Variants in IGSF3 observed in about 807,000 individuals in gnomAD.
IGSF3 encodes the protein immunoglobulin superfamily member 3, also known as glu-Trp-Ile EWI motif-containing protein 3.
In IGSF3, 23 loss-of-function variants were observed where a neutral mutation model predicts 114.4. The observed-to-expected ratio is 0.20, with a 90% confidence interval of 0.14 to 0.28. The LOEUF is 0.28. Among genes scored for constraint, IGSF3 ranks in the 10% least tolerant of loss-of-function variants. The pLI is 1.00. For synonymous variants in IGSF3, 571 were observed against 645.2 expected, an observed-to-expected ratio of 0.88 and a Z score of 1.74; for missense variants, 1,172 against 1,591.5, an observed-to-expected ratio of 0.74 and a Z score of 4.48.
In IGSF3 at chr1:116,575,954, A is replaced by C. The variant is rs1659323772; in HGVS notation, c.*1358T>G. 6.6e-6 allele frequency: 1 copy of C among 152,272 alleles called. No individual in the cohort carries two copies. The highest frequency in any genetic ancestry group is 6.5e-5 in the Admixed American group (1 of 15,282). 9.4% of individuals were successfully genotyped at this position (152,272 alleles called of 1,614,324 possible). ...ATCCCACAGACAATGCCTTGTGATC[A>C]CAGTCTGCTGAGACTAGGCAAACAG... On this transcript the variant is annotated 3_prime_UTR_variant, in exon 11 of 11. Transcript: ENST00000369486. The surrounding 1 kb of genome is among the most constrained non-coding windows in gnomAD (Gnocchi z 5.6).
Position 116,590,527 on chromosome 1 carries a change from T to C in IGSF3, c.2030-1423A>G, listed in dbSNP as rs189107631. ...AAAGAAAGCAGGGGCAAGGTGCAGATTCCACCCAGGGACAGCAACCTAGGC... is the reference window on the plus strand; with the variant it reads ...AAAGAAAGCAGGGGCAAGGTGCAGACTCCACCCAGGGACAGCAACCTAGGC... On this transcript the variant is annotated intron_variant, in intron 7 of 10. Coordinates refer to ENST00000369486, the MANE Select transcript of IGSF3 (RefSeq NM_001007237.3). Among the ~76,000 whole-genome samples the C allele has an allele frequency of 2.3e-3, 356 of 152,260 alleles. 2 individuals are homozygous for C. Among genetic ancestry groups the C allele is most frequent in the African/African-American group, 8.0e-3 (333 of 41,532 alleles).
chr1:116,597,824 A>G (rs374309814), intron 7 of IGSF3, among the ~76,000 whole-genome samples: 2 of 152,216 alleles, frequency 1.3e-5, no homozygotes, highest in Non-Finnish European at 2.9e-5. Context: ...CAGTTTTGCC[A>G]CTTAACCAGC....
At chr1:116,645,914 T>C (rs1648346437) in intron 2 of IGSF3, among the ~76,000 whole-genome samples, 1 of 152,114 alleles carries the variant, frequency 6.6e-6, no homozygotes, top group African/African-American at 2.4e-5. Context: ...GGTGGGGCCC[T>C]GGAAGCCATG....
At chr1:116,621,468 C>T (rs564900208) in intron 2 of IGSF3, among the ~76,000 whole-genome samples, 1 of 152,300 alleles carries the variant, frequency 6.6e-6, no homozygotes, top group South Asian at 2.1e-4. Context: ...GCCCCTTTCC[C>T]CCCAACAACA....
rs1425339720 is a variant in IGSF3 at position 116,615,306 on chromosome 1, CG to C, written c.421+773del. ...ACACATACACACACACACACACACA[CG>C]AAAAAAAAAAGGTCTCCTGCTGGGA... On this transcript the variant is annotated intron_variant, in intron 3 of 10. Transcript: ENST00000369486. The surrounding 1 kb of genome is among the most constrained non-coding windows in gnomAD (Gnocchi z 4.3). 1.4e-5 allele frequency among the ~76,000 whole-genome samples: 2 copies of C among 144,236 alleles called. No homozygotes were observed. The highest frequency in any genetic ancestry group is 2.6e-5 in the African/African-American group (1 of 38,738). 94.6% of individuals were successfully genotyped at this position (144,236 alleles called of 152,430 possible). A position where few individuals can be genotyped will look rare whatever the true frequency, so the allele number is the denominator to read the frequency against.
At position 116,585,435 on chromosome 1, in the gene IGSF3, A is replaced by T. The variant is rs1436761035; in HGVS notation, c.2441-383T>A. Among the ~76,000 whole-genome samples, 1 of 152,190 alleles carries T rather than the reference A, an allele frequency of 6.6e-6. No homozygotes were observed. Among genetic ancestry groups the T allele is most frequent in the Non-Finnish European group, 1.5e-5 (1 of 68,034 alleles). ...GGAAGGGGATGGTGAGAAACCTCTG[A>T]AAAGCAAGAGTAAACTTTTAAAACT... On this transcript the variant is annotated intron_variant, in intron 8 of 10. Transcript: ENST00000369486. The surrounding 1 kb of genome is among the most constrained non-coding windows in gnomAD (Gnocchi z 4.9).
In IGSF3 at chr1:116,595,647, C is replaced by T. The variant is rs564855684; in HGVS notation, c.2029+4294G>A. ...CAAGTCGGCTTTCCACCACTAGAGG[C>T]TGTCCTCATGGAAGCTTGTTTATGG... On this transcript the variant is annotated intron_variant, in intron 7 of 10. Transcript: ENST00000369486. This position sits in a 1 kb window ranked among gnomAD's most constrained non-coding sequence, Gnocchi z 4.2. Among the ~76,000 whole-genome samples, 39 of 152,336 alleles carry T rather than the reference C, an allele frequency of 2.6e-4. No individual in the cohort carries two copies. Among genetic ancestry groups the T allele is most frequent in the African/African-American group, 8.7e-4 (36 of 41,570 alleles).
At chr1:116,601,132 C>T (rs552975337) in intron 6 of IGSF3, among the ~76,000 whole-genome samples, 34 of 152,306 alleles carry the variant, frequency 2.2e-4, no homozygotes, top group South Asian at 4.1e-4. Flanking sequence ...GTGCCAACTG[C>T]TTTGCTCTCA....
Position 116,594,084 on chromosome 1 carries a change from T to C in IGSF3, c.2030-4980A>G, listed in dbSNP as rs1267922051. ...AGTCAAGAGAGGATTTTCCTTTGTTTTGTTCAGAATTGTAGCAAGAGTTAC... is the reference window on the plus strand; with the variant it reads ...AGTCAAGAGAGGATTTTCCTTTGTTCTGTTCAGAATTGTAGCAAGAGTTAC... On this transcript the variant is annotated intron_variant, in intron 7 of 10. Transcript: ENST00000369486. This position sits in a 1 kb window ranked among gnomAD's most constrained non-coding sequence, Gnocchi z 5.2. Among the ~76,000 whole-genome samples, 1 of 152,346 alleles carries C rather than the reference T, an allele frequency of 6.6e-6. No individual in the cohort carries two copies. The highest frequency in any genetic ancestry group is 1.9e-4 in the East Asian group (1 of 5,192).
At position 116,616,176 on chromosome 1, in the gene IGSF3, C is replaced by G; in HGVS notation, c.325G>C (p.Asp109His). The G allele has an allele frequency of 6.2e-7, 1 of 1,614,020 alleles. No individual in the cohort carries two copies. Residue 109 changes from aspartate (D) to histidine (H), a missense_variant, in exon 3 of 11, where the codon GAT (aspartate) becomes CAT (histidine). By Grantham distance (81) the Asp-to-His change is moderately conservative (BLOSUM62 -1). This residue lies in a region of IGSF3 where 736 missense variants were observed against 1,042.0 expected (regional missense o/e 0.71). Coordinates refer to ENST00000369486, the MANE Select transcript of IGSF3 (RefSeq NM_001007237.3). This position sits in a 1 kb window ranked among gnomAD's most constrained non-coding sequence, Gnocchi z 6.6. Reference protein sequence around the residue: ...QGNSTLLHITDLQARDAGEYE... With the variant: ...QGNSTLLHITHLQARDAGEYE... ...TCCCCGGCATCCCGGGCCTGAAGAT[C>G]TGTGATGTGCAATAGGGTTGAGTTC... is the stretch of plus-strand genomic sequence containing the variant.
In IGSF3 at chr1:116,665,029, G is replaced by C. The variant is rs1649273893; in HGVS notation, c.43+1255C>G. Among the ~76,000 whole-genome samples the C allele has an allele frequency of 6.6e-6, 1 of 152,200 alleles. No individual in the cohort carries two copies. Among genetic ancestry groups the C allele is most frequent in the Admixed American group, 6.5e-5 (1 of 15,290 alleles). On this transcript the variant is annotated intron_variant, in intron 2 of 10. Coordinates refer to ENST00000369486, the MANE Select transcript of IGSF3 (RefSeq NM_001007237.3). The surrounding 1 kb of genome is among the most constrained non-coding windows in gnomAD (Gnocchi z 4.0). ...ACCACTGATTGCACAAATCTATTAT[G>C]AGTTTCAGACATTATTTAAGGCAGT...
rs141149073 is a variant in IGSF3, at chr1:116,593,304, G to C, written c.2030-4200C>G. On this transcript the variant is annotated intron_variant, in intron 7 of 10. Coordinates refer to ENST00000369486, the MANE Select transcript of IGSF3 (RefSeq NM_001007237.3). The surrounding 1 kb of genome is among the most constrained non-coding windows in gnomAD (Gnocchi z 4.5). ...AAGCAACAGCCGTGCTGCTGAGGTG[G>C]TTGCCGGTAAGTCTGGAGAAGGTGG... Among the ~76,000 whole-genome samples, 1 of 152,242 alleles carries C rather than the reference G, an allele frequency of 6.6e-6. No individual in the cohort carries two copies.
rs1038245193 is a variant in IGSF3, at chr1:116,629,950, G to A, written c.44-13493C>T. On this transcript the variant is annotated intron_variant, in intron 2 of 10. Coordinates refer to ENST00000369486, the MANE Select transcript of IGSF3 (RefSeq NM_001007237.3). This position sits in a 1 kb window ranked among gnomAD's most constrained non-coding sequence, Gnocchi z 4.3. Reference sequence around the variant, plus strand: ...CCCTGATGAAAATCATCCTTTCAGGGTACAAGGAAGGCACCTGAATGACAG... The same window carrying A: ...CCCTGATGAAAATCATCCTTTCAGGATACAAGGAAGGCACCTGAATGACAG... Among the ~76,000 whole-genome samples the A allele has an allele frequency of 2.6e-5, 4 of 152,164 alleles. No homozygotes were observed. Among genetic ancestry groups the A allele is most frequent in the African/African-American group, 9.7e-5 (4 of 41,430 alleles).
In IGSF3 at chr1:116,583,577, T is replaced by C. The variant is rs549817217; in HGVS notation, c.2848+1068A>G. Among the ~76,000 whole-genome samples the C allele has an allele frequency of 2.0e-5, 3 of 152,252 alleles. No homozygotes were observed. Among genetic ancestry groups the C allele is most frequent in the Non-Finnish European group, 2.9e-5 (2 of 68,012 alleles). Reference sequence around the variant, plus strand: ...GCTGCTCTACTCAGACATGAAGACATGGTGAAAACTTCCAGTAGTGCCCAA... The same window carrying C: ...GCTGCTCTACTCAGACATGAAGACACGGTGAAAACTTCCAGTAGTGCCCAA... On this transcript the variant is annotated intron_variant, in intron 9 of 10. Coordinates refer to ENST00000369486, the MANE Select transcript of IGSF3 (RefSeq NM_001007237.3). This position sits in a 1 kb window ranked among gnomAD's most constrained non-coding sequence, Gnocchi z 4.5.
Position 116,585,126 on chromosome 1 carries a change from GTGAA to G in IGSF3, c.2441-78_2441-75del. 1.7e-6 allele frequency: 2 copies of G among 1,150,814 alleles called. No individual in the cohort carries two copies. The highest frequency in any genetic ancestry group is 2.4e-6 in the Non-Finnish European group (2 of 822,518). The allele number at this position is 1,150,814 out of a possible 1,614,324, so 71.3% of individuals were successfully genotyped here. A position where few individuals can be genotyped will look rare whatever the true frequency, so the allele number is the denominator to read the frequency against. ...TCGTACGCACCCTTTCCCAGGGTAGGTGAATGGATGCCTTCCAAATACAGAAGGA... is the reference window on the plus strand; with the variant it reads ...TCGTACGCACCCTTTCCCAGGGTAGGTGGATGCCTTCCAAATACAGAAGGA... On this transcript the variant is annotated intron_variant, in intron 8 of 10. Transcript: ENST00000369486. The surrounding 1 kb of genome is among the most constrained non-coding windows in gnomAD (Gnocchi z 4.9).
rs569123014 is a variant in IGSF3 at position 116,648,303 on chromosome 1, C to A, written c.43+17981G>T. On this transcript the variant is annotated intron_variant, in intron 2 of 10. Coordinates refer to ENST00000369486, the MANE Select transcript of IGSF3 (RefSeq NM_001007237.3). The surrounding 1 kb of genome is among the most constrained non-coding windows in gnomAD (Gnocchi z 4.7). ...CCAGAGAGGACAATGCCAGCAATGC[C>A]GGCTGTCTCCCAAGTCTGAAGGGTT... Among the ~76,000 whole-genome samples the A allele has an allele frequency of 1.1e-4, 16 of 152,250 alleles. No individual in the cohort carries two copies. Among genetic ancestry groups the A allele is most frequent in the African/African-American group, 3.6e-4 (15 of 41,550 alleles).
rs536674604 is a variant in IGSF3, at chr1:116,614,254, C to T, written c.422-79G>A. 2.4e-4 allele frequency: 298 copies of T among 1,220,922 alleles called. No homozygotes were observed. Among genetic ancestry groups the T allele is most frequent in the Non-Finnish European group, 3.2e-4 (272 of 843,562 alleles). The allele number at this position is 1,220,922 out of a possible 1,614,324, so 75.6% of individuals were successfully genotyped here. On this transcript the variant is annotated intron_variant, in intron 3 of 10. Coordinates refer to ENST00000369486, the MANE Select transcript of IGSF3 (RefSeq NM_001007237.3). This position sits in a 1 kb window ranked among gnomAD's most constrained non-coding sequence, Gnocchi z 4.5. ...CTCCCAGGGCTAAGCTCCCATTCCA[C>T]GCAGGCGTCACTGCACTGCGCCCCT...
At chr1:116,658,391 G>GC (rs1648960530) in intron 2 of IGSF3, among the ~76,000 whole-genome samples, 1 of 151,776 alleles carries the variant, frequency 6.6e-6, no homozygotes. Context: ...ACAGAAACAG[G>GC]CCCCCCTTTG....
Position 116,615,609 on chromosome 1 carries a change from A to G in IGSF3, c.421+471T>C, listed in dbSNP as rs980303548. ...CCAGTTCATAGTTCCTTACGCATGG[A>G]GCCAAAGGACCTTCAATGTACAAGG... On this transcript the variant is annotated intron_variant, in intron 3 of 10. Coordinates refer to ENST00000369486, the MANE Select transcript of IGSF3 (RefSeq NM_001007237.3). The surrounding 1 kb of genome is among the most constrained non-coding windows in gnomAD (Gnocchi z 4.3). 6.6e-6 allele frequency among the ~76,000 whole-genome samples: 1 copy of G among 152,170 alleles called. No homozygotes were observed. Among genetic ancestry groups the G allele is most frequent in the Non-Finnish European group, 1.5e-5 (1 of 68,034 alleles).
Sources: allele counts gnomAD v4.1 joint callset (sites outside exome capture counted in the v4.1 genomes callset), GRCh38; gene constraint gnomAD v4.1.1; regional missense constraint gnomAD v4.1.1; non-coding constraint Gnocchi (gnomAD v3.1); transcripts MANE v1.5; gene names NCBI Gene and HGNC (gene_info 2026-07-23, HGNC 2026-07-21).